NOS1AP: variants seen among roughly 807,000 people sequenced by gnomAD.
NOS1AP encodes the protein carboxyl-terminal PDZ ligand of neuronal nitric oxide synthase protein.
In NOS1AP, 21 loss-of-function variants were observed where a neutral mutation model predicts 56.2. The observed-to-expected ratio is 0.37, with a 90% CI of 0.26 to 0.54. The LOEUF is 0.54. NOS1AP is among the 20% of genes least tolerant of loss of function. NOS1AP has a pLI of 0.84. For missense variants in NOS1AP, 522 were observed against 657.8 expected, an observed-to-expected ratio of 0.79 and a Z score of 2.26; for synonymous variants, 270 against 274.6, an observed-to-expected ratio of 0.98 and a Z score of 0.17.
chr1:162,158,845 C>A (rs1454390657), intron 2 of NOS1AP, among the ~76,000 whole-genome samples: 1 of 152,140 alleles, frequency 6.6e-6, no homozygotes, highest in Non-Finnish European at 1.5e-5. Flanking sequence ...TACCAAGGAT[C>A]CAAAGGTCTG....
At chr1:162,351,962 T>C (rs550149767) in intron 6 of NOS1AP, among the ~76,000 whole-genome samples, 1 of 152,314 alleles carries the variant, frequency 6.6e-6, no homozygotes, top group African/African-American at 2.4e-5. Flanking sequence ...GCCCCGGGAA[T>C]GAAGTGCACC....
chr1:162,307,523 G>T (rs1039230280), intron 4 of NOS1AP, among the ~76,000 whole-genome samples: 45 of 152,330 alleles, frequency 3.0e-4, no homozygotes, highest in African/African-American at 1.1e-3. Context: ...AGAAGTCTAG[G>T]CCAGACGCGG....
At chr1:162,208,693 GC>G (rs1652246361) in intron 2 of NOS1AP, among the ~76,000 whole-genome samples, 1 of 152,184 alleles carries the variant, frequency 6.6e-6, no homozygotes, top group South Asian at 2.1e-4. Flanking sequence ...ATCATCCCAG[GC>G]TGAGAACCAT....
intron 1 of NOS1AP, among the ~76,000 whole-genome samples, chr1:162,123,641 A>T (rs1320727900): frequency 1.3e-5 from 2 of 152,344 alleles, no homozygotes; most frequent in East Asian, 3.9e-4. Context: ...TATTCTGTGT[A>T]TTTGAAATTT....
chr1:162,206,976 A>T (rs1191087643), intron 2 of NOS1AP, among the ~76,000 whole-genome samples: 1 of 152,270 alleles, frequency 6.6e-6, no homozygotes, highest in African/African-American at 2.4e-5. Flanking sequence ...CAGCTGCTGC[A>T]GATACGTGCC....
chr1:162,214,221 T>A (rs900409338), intron 2 of NOS1AP, among the ~76,000 whole-genome samples: 1 of 152,240 alleles, frequency 6.6e-6, no homozygotes, highest in Admixed American at 6.5e-5. Context: ...TCAGCCCCTT[T>A]AACATTTGTT....
At chr1:162,173,866 C>T (rs1243076232) in intron 2 of NOS1AP, among the ~76,000 whole-genome samples, 1 of 152,212 alleles carries the variant, frequency 6.6e-6, no homozygotes, top group African/African-American at 2.4e-5. Context: ...GAGATACCAT[C>T]TCACACCAGT....
intron 2 of NOS1AP, among the ~76,000 whole-genome samples, chr1:162,240,653 T>C (rs892498819): frequency 6.6e-6 from 1 of 152,232 alleles, no homozygotes; most frequent in Non-Finnish European, 1.5e-5. Context: ...CAGCGTGTTA[T>C]TTGGCAGCTT....
intron 1 of NOS1AP, among the ~76,000 whole-genome samples, chr1:162,145,835 C>T (rs1649440102): frequency 6.6e-6 from 1 of 152,060 alleles, no homozygotes; most frequent in Admixed American, 6.6e-5. Context: ...ACCAGGAGAC[C>T]AGCGGGATAT....
chr1:162,305,635 C>G (rs1465858669), intron 4 of NOS1AP, among the ~76,000 whole-genome samples: 1 of 151,966 alleles, frequency 6.6e-6, no homozygotes, highest in East Asian at 1.9e-4. Flanking sequence ...ACAGTATTTC[C>G]TCTTTAAAAT....
intron 1 of NOS1AP, among the ~76,000 whole-genome samples, chr1:162,091,817 G>T (rs1285873592): frequency 6.6e-6 from 1 of 152,164 alleles, no homozygotes; most frequent in Non-Finnish European, 1.5e-5. Flanking sequence ...GTGCAGTCTT[G>T]CTGTGTTCTG....
At chr1:162,127,957 T>C (rs1427673387) in intron 1 of NOS1AP, among the ~76,000 whole-genome samples, 1 of 152,198 alleles carries the variant, frequency 6.6e-6, no homozygotes, top group Non-Finnish European at 1.5e-5. Context: ...AAAATGATGA[T>C]TTGCTTATGT....
At chr1:162,300,081 C>T (rs904933326) in intron 3 of NOS1AP, among the ~76,000 whole-genome samples, 7 of 152,112 alleles carry the variant, frequency 4.6e-5, no homozygotes, top group Non-Finnish European at 8.8e-5. Context: ...CTGACAAAGG[C>T]GGATGAAGGT....
At chr1:162,141,275 A>T (rs1425245798) in intron 1 of NOS1AP, among the ~76,000 whole-genome samples, 1 of 151,486 alleles carries the variant, frequency 6.6e-6, no homozygotes, top group Non-Finnish European at 1.5e-5. Context: ...GCTCAAATTC[A>T]TAGAGCAGCT....
chr1:162,169,443 T>C (rs1412668787), intron 2 of NOS1AP, among the ~76,000 whole-genome samples: 1 of 152,182 alleles, frequency 6.6e-6, no homozygotes, highest in Admixed American at 6.5e-5. Context: ...AAAGAGATCA[T>C]ATTGATTTGT....
At chr1:162,258,799 G>T (rs1324222336) in intron 2 of NOS1AP, among the ~76,000 whole-genome samples, 1 of 152,122 alleles carries the variant, frequency 6.6e-6, no homozygotes, top group Non-Finnish European at 1.5e-5. Flanking sequence ...TAAGTACATG[G>T]GTCTTTCTAG....
At chr1:162,075,577 T>G (rs759768039) in intron 1 of NOS1AP, among the ~76,000 whole-genome samples, 5 of 152,242 alleles carry the variant, frequency 3.3e-5, no homozygotes, top group Non-Finnish European at 7.3e-5. Context: ...CATTCCACTA[T>G]ACACTGGGTG....
At chr1:162,360,675 G>A (rs572341281) in intron 8 of NOS1AP, 24 of 377,040 alleles carry the variant, frequency 6.4e-5, no homozygotes, top group South Asian at 3.1e-4. Flanking sequence ...ACAAAACTCC[G>A]CATCCCCACC....
At chr1:162,096,279 C>G (rs1214899681) in intron 1 of NOS1AP, among the ~76,000 whole-genome samples, 2 of 152,198 alleles carry the variant, frequency 1.3e-5, no homozygotes, top group Non-Finnish European at 2.9e-5. Flanking sequence ...GGGAAGTCTT[C>G]ACTTTCCATG....
Sources: allele counts gnomAD v4.1 joint callset (sites outside exome capture counted in the v4.1 genomes callset), GRCh38; gene constraint gnomAD v4.1.1; transcripts MANE v1.5; gene names NCBI Gene and HGNC (gene_info 2026-07-23, HGNC 2026-07-21).